The following DGKB variants were observed in gnomAD, a reference collection of about 807,000 sequenced individuals.
DGKB encodes 90 kDa diacylglycerol kinase.
A neutral mutation model predicts 114.3 loss-of-function variants in DGKB; 67 were observed. That is an observed-to-expected ratio of 0.59 (90% CI 0.48 to 0.72). DGKB has a LOEUF of 0.72. Ranked by LOEUF, DGKB falls within the 30% of genes least tolerant of loss-of-function variation. The pLI is 0.00. For synonymous variants in DGKB, 398 were observed against 323.1 expected (o/e 1.23, Z -2.49); for missense variants, 907 against 975.2 (o/e 0.93, Z 0.93).
At chr7:14,919,599 C>A (rs1587381607) in intron 1 of DGKB, among the ~76,000 whole-genome samples, 1 of 152,066 alleles carries the variant, frequency 6.6e-6, no homozygotes, top group Non-Finnish European at 1.5e-5. Flanking sequence ...CTGAAAGCAA[C>A]CAAGGTGTTT....
At chr7:14,371,587 G>A (rs1817661613) in intron 21 of DGKB, among the ~76,000 whole-genome samples, 1 of 152,036 alleles carries the variant, frequency 6.6e-6, no homozygotes. Flanking sequence ...TGCATAGTTT[G>A]TAAATATTTT....
intron 20 of DGKB, among the ~76,000 whole-genome samples, chr7:14,531,565 G>A (rs927224964): frequency 2.0e-5 from 3 of 151,326 alleles, no homozygotes; most frequent in African/African-American, 7.3e-5. Flanking sequence ...ACTAAATGAA[G>A]TAAGAGACAG....
chr7:14,549,092 G>C (rs202239951), intron 20 of DGKB, among the ~76,000 whole-genome samples: 3 of 152,086 alleles, frequency 2.0e-5, no homozygotes, highest in Admixed American at 6.6e-5. Context: ...AAAATCTCTT[G>C]AAAGTGACAT....
chr7:14,692,176 C>CAA (rs556410397), intron 9 of DGKB, among the ~76,000 whole-genome samples: 2,230 of 151,168 alleles, frequency 0.015, 46 homozygotes, highest in African/African-American at 0.05. Flanking sequence ...CAGTAGTTTC[C>CAA]AAAAAAAATC....
chr7:14,823,584 G>A (rs1845247348), intron 2 of DGKB, among the ~76,000 whole-genome samples: 1 of 151,762 alleles, frequency 6.6e-6, no homozygotes, highest in African/African-American at 2.4e-5. Context: ...ATCTATCTCT[G>A]CACTAAAGAC....
At chr7:14,722,627 C>CA in intron 5 of DGKB, among the ~76,000 whole-genome samples, 1 of 152,066 alleles carries the variant, frequency 6.6e-6, no homozygotes, top group Non-Finnish European at 1.5e-5. Flanking sequence ...TCCTGGCCAA[C>CA]ATGGTGAAAC....
At chr7:14,189,659 T>TA (rs536416935) in intron 23 of DGKB, among the ~76,000 whole-genome samples, 27 of 152,016 alleles carry the variant, frequency 1.8e-4, no homozygotes, top group African/African-American at 5.3e-4. Context: ...ATATACTACC[T>TA]AAAAAAGATT....
intron 21 of DGKB, among the ~76,000 whole-genome samples, chr7:14,457,168 A>C (rs930637943): frequency 6.6e-6 from 1 of 152,182 alleles, no homozygotes; most frequent in Non-Finnish European, 1.5e-5. Flanking sequence ...AGTATGCCGC[A>C]TGTTAAAATA....
chr7:14,176,309 G>C, intron 25 of DGKB: 1 of 966,468 alleles, frequency 1.0e-6, no homozygotes, highest in African/African-American at 1.9e-5. Context: ...TTTTTTTTGA[G>C]AGGGGCAGTG....
At chr7:14,883,047 G>A (rs1023029401) in intron 1 of DGKB, among the ~76,000 whole-genome samples, 2 of 151,962 alleles carry the variant, frequency 1.3e-5, no homozygotes, top group South Asian at 4.2e-4. Flanking sequence ...AAGAAGAATA[G>A]AAAAGTTGTG....
At chr7:14,467,516 A>G (rs1780658517) in intron 21 of DGKB, among the ~76,000 whole-genome samples, 2 of 152,014 alleles carry the variant, frequency 1.3e-5, no homozygotes, top group African/African-American at 2.4e-5. Context: ...TTAATTCTGT[A>G]TGATGTAATT....
At chr7:14,287,443 TTC>T (rs1292871426) in intron 23 of DGKB, among the ~76,000 whole-genome samples, 2 of 152,154 alleles carry the variant, frequency 1.3e-5, no homozygotes, top group Non-Finnish European at 2.9e-5. Flanking sequence ...TTCTAAGTTG[TTC>T]TAAATGATTT....
chr7:14,358,958 A>G (rs1414049045), intron 21 of DGKB, among the ~76,000 whole-genome samples: 3 of 152,176 alleles, frequency 2.0e-5, no homozygotes, highest in South Asian at 2.1e-4. Context: ...CTTAAAGTTC[A>G]TATGGGACCA....
At chr7:14,336,688 G>C (rs78469857) in intron 23 of DGKB, among the ~76,000 whole-genome samples, 5,054 of 152,218 alleles carry the variant, frequency 0.033, 109 homozygotes, top group Middle Eastern at 0.095. Flanking sequence ...AGTCTGGTTT[G>C]TTTGTAGTTT....
At chr7:14,927,330 A>T (rs1447906186) in intron 1 of DGKB, among the ~76,000 whole-genome samples, 7 of 151,866 alleles carry the variant, frequency 4.6e-5, no homozygotes, top group African/African-American at 1.7e-4. Context: ...TTTCCAGTTC[A>T]TTGATTTAAG....
chr7:14,179,260 G>A lies in DGKB; in HGVS notation c.2123-1109C>T, dbSNP rs114068275. ...AGTCCTGTCCCAAGACTCAGTGACA[G>A]CCCATCTGCTCACCTATTTAACTCA... On this transcript the variant is annotated intron_variant, in intron 23 of 25. Transcript: ENST00000402815. Among the ~76,000 whole-genome samples the A allele has an allele frequency of 3.3e-3, 507 of 152,308 alleles. 1 individual carries two copies. Among genetic ancestry groups the A allele is most frequent in the African/African-American group, 0.011 (476 of 41,572 alleles).
intron 2 of DGKB, among the ~76,000 whole-genome samples, chr7:14,820,321 A>C (rs1042415376): frequency 6.6e-6 from 1 of 152,180 alleles, no homozygotes; most frequent in Non-Finnish European, 1.5e-5. Flanking sequence ...GTGTTAAATA[A>C]ACTTGGAATT....
At chr7:14,577,453 TAA>T (rs1447551925) in intron 19 of DGKB, among the ~76,000 whole-genome samples, 3 of 152,034 alleles carry the variant, frequency 2.0e-5, no homozygotes, top group Non-Finnish European at 4.4e-5. Flanking sequence ...CTGTCTCTAC[TAA>T]AAGTACAAAA....
chr7:14,165,780 T>C (rs776263732), intron 25 of DGKB, among the ~76,000 whole-genome samples: 1 of 152,238 alleles, frequency 6.6e-6, no homozygotes, highest in African/African-American at 2.4e-5. Context: ...CAATGGTTTA[T>C]GTTGCTTCTT....
Sources: allele counts gnomAD v4.1 joint callset (sites outside exome capture counted in the v4.1 genomes callset), GRCh38; gene constraint gnomAD v4.1.1; transcripts MANE v1.5; gene names NCBI Gene and HGNC (gene_info 2026-07-23, HGNC 2026-07-21).